The following PLEKHG4B variants were observed in gnomAD, a reference collection of about 807,000 sequenced individuals.
The protein encoded by PLEKHG4B is pleckstrin homology and RhoGEF domain containing G4B.
Under a neutral mutation model 121.3 loss-of-function variants are expected in PLEKHG4B, and 111 were observed. That is an observed-to-expected ratio of 0.92 (90% CI 0.78 to 1.07). The LOEUF (loss-of-function observed/expected upper bound fraction) is 1.07. PLEKHG4B is among the 50% of genes least tolerant of loss of function. PLEKHG4B has a pLI of 0.00. For synonymous variants in PLEKHG4B, 738 were observed against 725.0 expected, an observed-to-expected ratio of 1.02 and a Z score of -0.29; for missense variants, 1,831 against 1,757.8, an observed-to-expected ratio of 1.04 and a Z score of -0.74.
At chr5:172,260 G>A (rs1003069588) in intron 16 of PLEKHG4B, among the ~76,000 whole-genome samples, 3 of 152,230 alleles carry the variant, frequency 2.0e-5, no homozygotes, top group African/African-American at 7.2e-5. Flanking sequence ...CCCTAGGGGC[G>A]TCCATGGGAT....
intron 16 of PLEKHG4B, among the ~76,000 whole-genome samples, chr5:172,584 C>T (rs553648426): frequency 5.3e-5 from 8 of 152,000 alleles, no homozygotes; most frequent in African/African-American, 9.6e-5. Context: ...GAACGGGGGC[C>T]GGGGTGGGGG....
chr5:107,320 C>A (rs1224022206), intron 1 of PLEKHG4B, among the ~76,000 whole-genome samples: 2 of 152,192 alleles, frequency 1.3e-5, no homozygotes, highest in Non-Finnish European at 2.9e-5. Flanking sequence ...CTGGGATCCA[C>A]TGCTCTCCTC....
At chr5:98,955 G>A (rs1185356930) in intron 1 of PLEKHG4B, among the ~76,000 whole-genome samples, 1 of 137,526 alleles carries the variant, frequency 7.3e-6, no homozygotes, top group Non-Finnish European at 1.6e-5. Flanking sequence ...AGGAGTTTGA[G>A]ACCAGCCTGG....
intron 17 of PLEKHG4B, among the ~76,000 whole-genome samples, chr5:173,677 GTCAC>G (rs148689882): frequency 0.048 from 7,277 of 151,984 alleles, 253 homozygotes; most frequent in East Asian, 0.15. Flanking sequence ...CTCACAAGCA[GTCAC>G]TCACGAGCAG....
chr5:181,828 C>T (rs1048280494), intron 19 of PLEKHG4B, among the ~76,000 whole-genome samples, 153 bp downstream of exon 19: 5 of 152,224 alleles, frequency 3.3e-5, no homozygotes, highest in African/African-American at 9.6e-5. Flanking sequence ...GCCTCGGCCC[C>T]GCCCTCACTC....
chr5:118,217 A>G (rs916985551), intron 2 of PLEKHG4B, among the ~76,000 whole-genome samples: 4 of 152,372 alleles, frequency 2.6e-5, no homozygotes, highest in African/African-American at 7.2e-5. Flanking sequence ...ACCCCTAACA[A>G]CATAGTCCAA....
At chr5:118,344 C>T (rs1262452842) in intron 2 of PLEKHG4B, among the ~76,000 whole-genome samples, 3 of 152,168 alleles carry the variant, frequency 2.0e-5, no homozygotes, top group Non-Finnish European at 4.4e-5. Flanking sequence ...TTGGGATATA[C>T]ATTAAACACA....
At position 163,405 on chromosome 5, in the gene PLEKHG4B, G is replaced by A. The variant is rs1337543069; in HGVS notation, c.3333G>A (p.Leu1111=). Residue 1111 remains leucine, a synonymous_variant, in exon 13 of 20, where the codon CTG becomes CTA. Transcript: ENST00000637938. ...PDHTSVFSKG[L]EVTSTVATEK... ...ATACTAGTGTCTTCAGCAAGGGCCT[G>A]GAGGTAACCAGCACTGTAGCCACAG... is the stretch of plus-strand genomic sequence containing the variant. 6.2e-7 allele frequency: 1 copy of A among 1,612,944 alleles called. No homozygotes were observed. Among genetic ancestry groups the A allele is most frequent in the Non-Finnish European group, 8.5e-7 (1 of 1,180,052 alleles).
intron 13 of PLEKHG4B, among the ~76,000 whole-genome samples, chr5:164,678 ACAG>A: frequency 9.6e-6 from 1 of 103,688 alleles, no homozygotes; most frequent in Admixed American, 1.0e-4. Context: ...TAATACTCTG[ACAG>A]GGGGCGGAGC....
rs747408325 is a variant in PLEKHG4B at position 182,232 on chromosome 5, A to G, written c.4793A>G (p.Asp1598Gly). 5 of 1,613,642 alleles carry G rather than the reference A, an allele frequency of 3.1e-6. No individual in the cohort carries two copies. In the African/African-American group the frequency reaches 5.3e-5, roughly 17 times the overall value. Residue 1598 changes from aspartate to glycine, a missense_variant, in exon 20 of 20, where the codon GAT (aspartate) becomes GGT (glycine). Coordinates refer to ENST00000637938, the MANE Select transcript of PLEKHG4B (RefSeq NM_052909.5). ...GATATCAGAGCCTGCGTCGAGGAAG[A>G]TGAGCCAGAGCCAGAACTAGAGACG... Reference protein sequence around the residue: ...SSDIRACVEEDEPEPELETGT... With the variant: ...SSDIRACVEEGEPEPELETGT...
rs573568663 is a variant in PLEKHG4B, at chr5:156,539, A to G, written c.2349-234A>G. 1.4e-3 allele frequency among the ~76,000 whole-genome samples: 219 copies of G among 152,000 alleles called. No individual in the cohort carries two copies. The highest frequency in any genetic ancestry group is 4.2e-3 in the South Asian group (20 of 4,790). ...CAGCTGCACACAGCCAGTCCCGCCT[A>G]AGCTGCCCCACCTGGGTCCCCTCCA... On this transcript the variant is annotated intron_variant, in intron 10 of 19. Transcript: ENST00000637938. The surrounding 1 kb of genome is among the most constrained non-coding windows in gnomAD (Gnocchi z 4.4).
At position 182,312 on chromosome 5, in the gene PLEKHG4B, C is replaced by T. The variant is rs115163479; in HGVS notation, c.4873C>T (p.Arg1625Cys). The T allele has an allele frequency of 1.2e-5, 20 of 1,603,290 alleles. 1 individual carries two copies. The highest frequency in any genetic ancestry group is 3.3e-4 in the Middle Eastern group (2 of 6,058). ...TCCTGCTGTGCTGCTGAGCCGCACA[C>T]GCCAGGCCTGATGACTGTCAGGGTG... ...GAPAVLLSRT[R>C]QA Residue 1625 changes from arginine to cysteine, a missense_variant, in exon 20 of 20, where the codon CGC becomes TGC. Transcript: ENST00000637938.
At chr5:124,285 T>C (rs1212950100) in intron 2 of PLEKHG4B, among the ~76,000 whole-genome samples, 1 of 152,228 alleles carries the variant, frequency 6.6e-6, no homozygotes, top group Non-Finnish European at 1.5e-5. Context: ...AGTTGTCTCA[T>C]GTGTGCACTT....
At chr5:94,844 C>T (rs1733585152) in intron 1 of PLEKHG4B, among the ~76,000 whole-genome samples, 1 of 152,094 alleles carries the variant, frequency 6.6e-6, no homozygotes, top group Non-Finnish European at 1.5e-5. Context: ...AGTAGCTCAG[C>T]CTCTCTGAGC....
chr5:156,041 T>C lies in PLEKHG4B; in HGVS notation c.2209-30T>C, dbSNP rs776157799. 4 of 1,532,882 alleles carry C rather than the reference T, an allele frequency of 2.6e-6. No individual in the cohort carries two copies. Among genetic ancestry groups the C allele is most frequent in the Non-Finnish European group, 3.5e-6 (4 of 1,135,874 alleles). 95.0% of individuals were successfully genotyped at this position (1,532,882 alleles called of 1,614,324 possible). A position where few individuals can be genotyped will look rare whatever the true frequency, so the allele number is the denominator to read the frequency against. ...GGACCTGCCCCTTGGAGGAGGGAGT[T>C]AAAGGCTTATTCCTCCCCATCCCGT... On this transcript the variant is annotated intron_variant, in intron 9 of 19. Coordinates refer to ENST00000637938, the MANE Select transcript of PLEKHG4B (RefSeq NM_052909.5). This position sits in a 1 kb window ranked among gnomAD's most constrained non-coding sequence, Gnocchi z 4.4.
intron 1 of PLEKHG4B, among the ~76,000 whole-genome samples, chr5:104,308 C>G (rs776987359): frequency 1.3e-5 from 2 of 152,370 alleles, no homozygotes; most frequent in African/African-American, 4.8e-5. Flanking sequence ...TCAGCCCAGT[C>G]CCAGCACTGA....
At chr5:162,235 C>G (rs990377872) in intron 12 of PLEKHG4B, among the ~76,000 whole-genome samples, 1 of 151,512 alleles carries the variant, frequency 6.6e-6, no homozygotes, top group African/African-American at 2.4e-5. Context: ...AAACCCTAAA[C>G]AAGTGCTACA....
At chr5:94,586 G>A (rs1385125664) in intron 1 of PLEKHG4B, among the ~76,000 whole-genome samples, 10 of 144,940 alleles carry the variant, frequency 6.9e-5, no homozygotes, top group Admixed American at 4.7e-4. Flanking sequence ...TGGGATGAGT[G>A]GCTGGCGGGG....
At chr5:165,224 G>A (rs1736271708) in intron 13 of PLEKHG4B, among the ~76,000 whole-genome samples, 1 of 42,470 alleles carries the variant, frequency 2.4e-5, no homozygotes, top group Non-Finnish European at 5.6e-5. Flanking sequence ...ATGCTCTGAC[G>A]GGGCGGAGCT....
Sources: gnomAD v4.1 joint callset for allele counts (sites outside exome capture counted in the v4.1 genomes callset) on GRCh38, gnomAD v4.1.1 for gene constraint, Gnocchi (gnomAD v3.1) non-coding constraint, MANE v1.5 for transcripts, NCBI Gene and HGNC (gene_info 2026-07-23, HGNC 2026-07-21) for gene names.